The following IGFBPL1 variants were observed in gnomAD, a reference collection of about 807,000 sequenced individuals.
The protein encoded by IGFBPL1 is insulin-like growth factor-binding protein-like 1.
A neutral mutation model predicts 23.9 loss-of-function variants in IGFBPL1; 20 were observed. The ratio of observed to expected loss-of-function variants is 0.84; its 90% CI spans 0.59 to 1.22. The LOEUF (loss-of-function observed/expected upper bound fraction) is 1.22. IGFBPL1 is among the 50% of genes most tolerant of loss of function. IGFBPL1 has a pLI of 0.00. For synonymous variants in IGFBPL1, 184 were observed against 171.8 expected, an observed-to-expected ratio of 1.07 and a Z score of -0.56; for missense variants, 436 against 379.3, an observed-to-expected ratio of 1.15 and a Z score of -1.24.
chr9:38,422,552 C>T (rs1821694495), intron 1 of IGFBPL1, among the ~76,000 whole-genome samples: 1 of 152,206 alleles, frequency 6.6e-6, no homozygotes, highest in Non-Finnish European at 1.5e-5. Flanking sequence ...ACCAACTGTT[C>T]CGAGTGAAAG....
chr9:38,420,615 T>C (rs10814691), intron 1 of IGFBPL1, among the ~76,000 whole-genome samples: 32,502 of 151,820 alleles, frequency 0.21, 4,026 homozygotes, highest in African/African-American at 0.34. Context: ...GGGCAGATCA[T>C]GAGGTAGGAG....
At chr9:38,415,470 G>T (rs1026857307) in intron 1 of IGFBPL1, among the ~76,000 whole-genome samples, 1 of 152,160 alleles carries the variant, frequency 6.6e-6, no homozygotes, top group Non-Finnish European at 1.5e-5. Flanking sequence ...GGAGGATCAG[G>T]GTGCAGAAAG....
rs1821442844 is a variant in IGFBPL1 at position 38,407,426 on chromosome 9, T to G, written c.*1801A>C. 6.6e-6 allele frequency among the ~76,000 whole-genome samples: 1 copy of G among 152,260 alleles called. No individual in the cohort carries two copies. Among genetic ancestry groups the G allele is most frequent in the Admixed American group, 6.5e-5 (1 of 15,286 alleles). ...TTTCCAGAATCCCAGGCCAGTCTCCTTCTGCTGCATAGTACAGAAGGTGAT... is the reference window on the plus strand; with the variant it reads ...TTTCCAGAATCCCAGGCCAGTCTCCGTCTGCTGCATAGTACAGAAGGTGAT... On this transcript the variant is annotated 3_prime_UTR_variant, in exon 5 of 5. Transcript: ENST00000377694.
chr9:38,411,562 C>T lies in IGFBPL1; in HGVS notation c.688-13G>A. On this transcript the variant is annotated splice_polypyrimidine_tract_variant and intron_variant, in intron 3 of 4. Transcript: ENST00000377694. ...GCAGGGGGTTGATCTAGAAATACAA[C>T]AGGCAAGTTTATACAGTTATATAAG... 1 of 1,612,866 alleles carries T rather than the reference C, an allele frequency of 6.2e-7. No individual in the cohort carries two copies. Among genetic ancestry groups the T allele is most frequent in the Non-Finnish European group, 8.5e-7 (1 of 1,179,040 alleles).
intron 1 of IGFBPL1, 44 bp downstream of exon 1, chr9:38,423,921 G>A: frequency 7.5e-7 from 1 of 1,325,298 alleles, no homozygotes; most frequent in Non-Finnish European, 9.6e-7. Flanking sequence ...CAGAGGGTTG[G>A]AATCCCTCCT....
At position 38,413,333 on chromosome 9, in the gene IGFBPL1, G is replaced by T. The variant is rs776185340; in HGVS notation, c.591C>A (p.Gly197=). The change falls in exon 3 of 5, where the codon GGC becomes GGA. Residue 197 remains glycine (G), a synonymous_variant. Transcript: ENST00000377694. ...CAGGCAGCTCCTCCAGTGCTTGGGT[G>T]CCCTCAGGGGACTTCGTGACCTACA... ...TWRKVTKSPE[G]TQALEELPGD... 8 of 1,613,162 alleles carry T rather than the reference G, an allele frequency of 5.0e-6. No individual in the cohort carries two copies. The highest frequency in any genetic ancestry group is 5.9e-6 in the Non-Finnish European group (7 of 1,179,364).
chr9:38,411,600 G>T (rs1215542613), intron 3 of IGFBPL1, 51 bp from the exon 4 acceptor site: 29 of 1,467,590 alleles, frequency 2.0e-5, no homozygotes, highest in Non-Finnish European at 2.7e-5. Flanking sequence ...ACAGCAAAAT[G>T]ACTTCCTTAG....
Position 38,408,627 on chromosome 9 carries a change from G to A in IGFBPL1, c.*600C>T, listed in dbSNP as rs558054962. ...AAAGCAATGGAATTTGTTTCTGAGGGAATACCATTTTAGAAAGAACACTAA... is the reference window on the plus strand; with the variant it reads ...AAAGCAATGGAATTTGTTTCTGAGGAAATACCATTTTAGAAAGAACACTAA... On this transcript the variant is annotated 3_prime_UTR_variant, in exon 5 of 5. Coordinates refer to ENST00000377694, the MANE Select transcript of IGFBPL1 (RefSeq NM_001007563.3). Among the ~76,000 whole-genome samples the A allele has an allele frequency of 6.6e-6, 1 of 152,222 alleles. No individual in the cohort carries two copies. The highest frequency in any genetic ancestry group is 1.5e-5 in the Non-Finnish European group (1 of 68,008).
At chr9:38,421,863 G>C (rs1214110404) in intron 1 of IGFBPL1, among the ~76,000 whole-genome samples, 2 of 152,190 alleles carry the variant, frequency 1.3e-5, no homozygotes, top group Non-Finnish European at 2.9e-5. Flanking sequence ...TGACACAAAG[G>C]CTGGTGCGGA....
chr9:38,417,136 G>A (rs1186061951), intron 1 of IGFBPL1, among the ~76,000 whole-genome samples: 1 of 152,156 alleles, frequency 6.6e-6, no homozygotes, highest in Non-Finnish European at 1.5e-5. Flanking sequence ...TCTGCCTACA[G>A]GTATTAACTT....
intron 1 of IGFBPL1, among the ~76,000 whole-genome samples, chr9:38,419,185 GGAAA>G (rs1445428876): frequency 2.0e-5 from 3 of 151,954 alleles, no homozygotes; most frequent in African/African-American, 7.3e-5. Context: ...ATGGTGCTAG[GGAAA>G]GAAAGGATAT....
chr9:38,413,439 T>TTCC, intron 2 of IGFBPL1, 86 bp from the exon 3 acceptor site: 1 of 807,960 alleles, frequency 1.2e-6, no homozygotes, highest in East Asian at 2.4e-5. Flanking sequence ...GCCCTCCTCC[T>TTCC]TCCTCCTCCT....
At chr9:38,413,774 C>A (rs1029291633) in intron 2 of IGFBPL1, among the ~76,000 whole-genome samples, 2 of 152,166 alleles carry the variant, frequency 1.3e-5, no homozygotes, top group East Asian at 3.9e-4. Flanking sequence ...GATACACACA[C>A]ACATGGCCAC....
intron 3 of IGFBPL1, 42 bp from the exon 4 acceptor site, chr9:38,411,591 C>T (rs542088232): frequency 9.7e-6 from 15 of 1,546,884 alleles, no homozygotes; most frequent in Middle Eastern, 1.7e-4. Flanking sequence ...ATATAAGGAA[C>T]AGCAAAATGA....
intron 1 of IGFBPL1, among the ~76,000 whole-genome samples, chr9:38,417,349 C>T (rs1020140383): frequency 4.6e-5 from 7 of 152,190 alleles, no homozygotes; most frequent in Non-Finnish European, 8.8e-5. Context: ...CTCATGGCAG[C>T]CCTGTGAGGT....
intron 2 of IGFBPL1, 133 bp from the exon 3 acceptor site, chr9:38,413,486 A>C (rs1382341669): frequency 1.2e-5 from 7 of 608,414 alleles, no homozygotes; most frequent in Non-Finnish European, 2.0e-5. Context: ...AGCACTGCTC[A>C]TGCCTATGCA....
At chr9:38,419,309 T>C (rs1220740511) in intron 1 of IGFBPL1, among the ~76,000 whole-genome samples, 3 of 152,190 alleles carry the variant, frequency 2.0e-5, no homozygotes, top group Non-Finnish European at 2.9e-5. Context: ...AGTCACGTTA[T>C]GATGTGGAAC....
At chr9:38,416,851 A>T (rs60641057) in intron 1 of IGFBPL1, among the ~76,000 whole-genome samples, 10,236 of 147,412 alleles carry the variant, frequency 0.069, 1,101 homozygotes, top group African/African-American at 0.23. Context: ...ATTAAAAAAA[A>T]TTTTTTTTTT....
rs1334884415 is a variant in IGFBPL1 at position 38,424,040 on chromosome 9, G to A, written c.385C>T (p.Arg129Cys). The A allele has an allele frequency of 7.2e-7, 1 of 1,398,524 alleles. No homozygotes were observed. The highest frequency in any genetic ancestry group is 9.2e-7 in the Non-Finnish European group (1 of 1,085,262). 86.6% of individuals were successfully genotyped at this position (1,398,524 alleles called of 1,614,324 possible). A position where few individuals can be genotyped will look rare whatever the true frequency, so the allele number is the denominator to read the frequency against. The change falls in exon 1 of 5, where the codon CGC becomes TGC. Residue 129 changes from arginine (R) to cysteine (C), a missense_variant. Physicochemically the swap from Arg to Cys is radical, Grantham distance 180 (BLOSUM62 -3). Transcript: ENST00000377694. ...CGGGGCGTGTGCCGAGCGCGCAGGC[G>A]CAGCGCGCAGACGCTGGGGTACGAG... is the stretch of plus-strand genomic sequence containing the variant. Reference protein sequence around the residue: ...GRSYPSVCALRLRARHTPRAH... With the variant: ...GRSYPSVCALCLRARHTPRAH...
Sources: allele counts gnomAD v4.1 joint callset (sites outside exome capture counted in the v4.1 genomes callset), GRCh38; gene constraint gnomAD v4.1.1; transcripts MANE v1.5; gene names NCBI Gene and HGNC (gene_info 2026-07-23, HGNC 2026-07-21).